CNTNAP5: variants seen among roughly 807,000 people sequenced by gnomAD.
The protein encoded by CNTNAP5 is contactin-associated protein-like 5.
CNTNAP5 carries 72 observed loss-of-function variants against 150.2 expected under a neutral mutation model. The ratio of observed to expected loss-of-function variants is 0.48; its 90% CI spans 0.40 to 0.58. The LOEUF (loss-of-function observed/expected upper bound fraction) is 0.58. Among genes scored for constraint, CNTNAP5 ranks in the 20% least tolerant of loss-of-function variants. The pLI is 0.00. For synonymous variants in CNTNAP5, 672 were observed against 619.8 expected, an observed-to-expected ratio of 1.08 and a Z score of -1.25; for missense variants, 1,636 against 1,626.2, an observed-to-expected ratio of 1.01 and a Z score of -0.10.
At chr2:124,418,909 T>C (rs1023856318) in intron 4 of CNTNAP5, among the ~76,000 whole-genome samples, 1 of 148,454 alleles carries the variant, frequency 6.7e-6, no homozygotes, top group African/African-American at 2.5e-5. Flanking sequence ...CCGAGGCGGG[T>C]GGATCACGAG....
chr2:124,869,528 G>T, intron 20 of CNTNAP5, 147 bp from the exon 21 acceptor site: 1 of 566,128 alleles, frequency 1.8e-6, no homozygotes, highest in Non-Finnish European at 3.2e-6. Flanking sequence ...AAATTAGCGA[G>T]ACCTGTCTAA....
At chr2:124,439,435 A>G (rs917898096) in intron 5 of CNTNAP5, among the ~76,000 whole-genome samples, 4 of 152,210 alleles carry the variant, frequency 2.6e-5, no homozygotes, top group Admixed American at 2.0e-4. Context: ...TAAAATAACT[A>G]TGCATCATCA....
At chr2:124,675,838 G>T (rs1295403251) in intron 13 of CNTNAP5, among the ~76,000 whole-genome samples, 1 of 151,824 alleles carries the variant, frequency 6.6e-6, no homozygotes, top group Non-Finnish European at 1.5e-5. Context: ...TAAAGTCTTT[G>T]TCTAATTAGT....
At chr2:124,660,324 G>A (rs1042170733) in intron 13 of CNTNAP5, among the ~76,000 whole-genome samples, 1 of 152,076 alleles carries the variant, frequency 6.6e-6, no homozygotes, top group African/African-American at 2.4e-5. Flanking sequence ...TGCGTCATAG[G>A]AATAGAAAGA....
At chr2:124,710,342 C>T (rs1679781220) in intron 13 of CNTNAP5, among the ~76,000 whole-genome samples, 1 of 152,172 alleles carries the variant, frequency 6.6e-6, no homozygotes, top group Non-Finnish European at 1.5e-5. Context: ...GAGTTTCCAT[C>T]TTGCAAATTT....
intron 3 of CNTNAP5, among the ~76,000 whole-genome samples, chr2:124,347,741 A>G (rs1689775429): frequency 6.6e-6 from 1 of 152,184 alleles, no homozygotes; most frequent in South Asian, 2.1e-4. Context: ...TTAGATGATT[A>G]AAAAGGTGAA....
At chr2:124,205,233 C>T (rs1685832537) in intron 1 of CNTNAP5, among the ~76,000 whole-genome samples, 1 of 152,026 alleles carries the variant, frequency 6.6e-6, no homozygotes, top group South Asian at 2.1e-4. Context: ...GTTCTCATGA[C>T]AATGAGTGAG....
At chr2:124,227,138 T>C (rs957737335) in intron 2 of CNTNAP5, among the ~76,000 whole-genome samples, 1 of 152,178 alleles carries the variant, frequency 6.6e-6, no homozygotes, top group Non-Finnish European at 1.5e-5. Flanking sequence ...TGGAAAGCAA[T>C]GAGCAATCAC....
At chr2:124,510,295 ATATATC>A (rs1468789012) in intron 8 of CNTNAP5, among the ~76,000 whole-genome samples, 6 of 5,968 alleles carry the variant, frequency 1.0e-3, no homozygotes, top group South Asian at 0.014. Context: ...CTATATATCT[ATATATC>A]TATATATATA....
chr2:124,865,301 T>A lies in CNTNAP5; in HGVS notation c.3218-5T>A. On this transcript the variant is annotated splice_region_variant and splice_polypyrimidine_tract_variant and intron_variant, in intron 19 of 23. Transcript: ENST00000682447. ...TATTCTAATTTCTAATATTTTTCTT[T>A]CAAGGAAGCTTACAGGTTCGCTATC... 3 of 1,554,522 alleles carry A rather than the reference T, an allele frequency of 1.9e-6. No individual in the cohort carries two copies. The highest frequency in any genetic ancestry group is 2.6e-6 in the Non-Finnish European group (3 of 1,147,992).
intron 10 of CNTNAP5, among the ~76,000 whole-genome samples, chr2:124,548,365 TCTGCCTTAA>T (rs1695559789): frequency 6.6e-6 from 1 of 152,188 alleles, no homozygotes; most frequent in African/African-American, 2.4e-5. Flanking sequence ...TTAGGATCTC[TCTGCCTTAA>T]CTGCTCAAGC....
At chr2:124,125,040 G>A (rs902885594) in intron 1 of CNTNAP5, among the ~76,000 whole-genome samples, 4 of 151,958 alleles carry the variant, frequency 2.6e-5, no homozygotes, top group Admixed American at 6.6e-5. Context: ...TCAAAATAAC[G>A]GGATCAAATT....
chr2:124,837,799 G>A (rs1031458995), intron 19 of CNTNAP5, among the ~76,000 whole-genome samples: 4 of 152,054 alleles, frequency 2.6e-5, no homozygotes, highest in South Asian at 2.1e-4. Flanking sequence ...TGAGGATTAG[G>A]CCTTTCAGAA....
intron 19 of CNTNAP5, among the ~76,000 whole-genome samples, chr2:124,801,715 T>C (rs1681970703): frequency 6.6e-6 from 1 of 152,212 alleles, no homozygotes; most frequent in Non-Finnish European, 1.5e-5. Context: ...TACAGCTTGT[T>C]CCCAGTATGT....
intron 1 of CNTNAP5, among the ~76,000 whole-genome samples, chr2:124,216,532 C>G (rs1338167774): frequency 6.6e-6 from 1 of 152,032 alleles, no homozygotes; most frequent in Non-Finnish European, 1.5e-5. Context: ...AATGCTATTC[C>G]TCCCACCTCC....
rs144904353 is a variant in CNTNAP5 at position 124,673,464 on chromosome 2, C to G, written c.2077+25506C>G. On this transcript the variant is annotated intron_variant, in intron 13 of 23. Coordinates refer to ENST00000682447, the MANE Select transcript of CNTNAP5 (RefSeq NM_001367498.1). The stretch of plus-strand genomic sequence containing the variant: ...AGTTTCTTTTTTTTTTTCCCTAGCT[C>G]TCATCTTGATTTCCTAGGTATTTTA... 2.5e-4 allele frequency among the ~76,000 whole-genome samples: 37 copies of G among 149,972 alleles called. No individual in the cohort carries two copies. In the East Asian group the frequency reaches 7.1e-3, roughly 29 times the overall value.
intron 3 of CNTNAP5, among the ~76,000 whole-genome samples, chr2:124,387,774 C>A (rs942023319): frequency 3.3e-5 from 5 of 152,126 alleles, no homozygotes; most frequent in Admixed American, 3.3e-4. Flanking sequence ...TGTATACGTG[C>A]AAGTCACAGG....
chr2:124,485,456 A>G lies in CNTNAP5; in HGVS notation c.1062+10574A>G, dbSNP rs562470085. Reference sequence around the variant, plus strand: ...GTGAAACCCCGTATCTACTAAAAATACAAAAAATTAACCAGGCGTGGTGGC... The same window carrying G: ...GTGAAACCCCGTATCTACTAAAAATGCAAAAAATTAACCAGGCGTGGTGGC... On this transcript the variant is annotated intron_variant, in intron 7 of 23. Coordinates refer to ENST00000682447, the MANE Select transcript of CNTNAP5 (RefSeq NM_001367498.1). Among the ~76,000 whole-genome samples, 3 of 152,010 alleles carry G rather than the reference A, an allele frequency of 2.0e-5. No individual in the cohort carries two copies. In the South Asian group the frequency reaches 6.3e-4, roughly 32 times the overall value.
At chr2:124,094,407 G>A (rs928837857) in intron 1 of CNTNAP5, among the ~76,000 whole-genome samples, 2 of 152,150 alleles carry the variant, frequency 1.3e-5, no homozygotes, top group Non-Finnish European at 2.9e-5. Flanking sequence ...CTATTGATAT[G>A]GTGTTGTCAG....
Sources: gnomAD v4.1 joint callset for allele counts (sites outside exome capture counted in the v4.1 genomes callset) on GRCh38, gnomAD v4.1.1 for gene constraint, MANE v1.5 for transcripts, NCBI Gene and HGNC (gene_info 2026-07-23, HGNC 2026-07-21) for gene names.